Variants in DOCK5 observed in about 807,000 individuals in gnomAD.
The protein encoded by DOCK5 is dedicator of cytokinesis protein 5.
In DOCK5, 142 loss-of-function variants were observed where a neutral mutation model predicts 251.8. The observed-to-expected ratio is 0.56, with a 90% CI of 0.49 to 0.65. DOCK5 has a LOEUF of 0.65. DOCK5 is among the 30% of genes least tolerant of loss of function. DOCK5 has a pLI of 0.00. For synonymous variants in DOCK5, 842 were observed against 835.5 expected (o/e 1.01, Z -0.13); for missense variants, 2,111 against 2,312.3 (o/e 0.91, Z 1.79).
intron 47 of DOCK5, among the ~76,000 whole-genome samples, chr8:25,401,372 C>T (rs548625432): frequency 1.3e-5 from 2 of 152,088 alleles, no homozygotes. Context: ...CAAGTAGTTG[C>T]AATTCTGAGA....
At chr8:25,331,356 T>C (rs1296897952) in intron 18 of DOCK5, among the ~76,000 whole-genome samples, 1 of 152,074 alleles carries the variant, frequency 6.6e-6, no homozygotes, top group Non-Finnish European at 1.5e-5. Flanking sequence ...AATCCTCCTG[T>C]CTTGGCTTCC....
intron 51 of DOCK5, among the ~76,000 whole-genome samples, chr8:25,410,972 T>TGTGTGTGTGC (rs1331552371): frequency 3.7e-4 from 7 of 19,166 alleles, no homozygotes; most frequent in Non-Finnish European, 7.1e-4. Context: ...TGTGTGTGTG[T>TGTGTGTGTGC]GCGCGCGCGC....
rs746475530 is a variant in DOCK5 at position 25,388,013 on chromosome 8, T to C, written c.4132-1078T>C. Among the ~76,000 whole-genome samples, 143 of 152,352 alleles carry C rather than the reference T, an allele frequency of 9.4e-4. 1 individual carries two copies. Among genetic ancestry groups the C allele is most frequent in the Middle Eastern group, 3.4e-3 (1 of 294 alleles). On this transcript the variant is annotated intron_variant, in intron 40 of 51. Transcript: ENST00000276440. ...CAACAGGCTTGAGTCCCATAGACTT[T>C]TCCTAACTTGGAAAAGTTTTATCAT... is the stretch of plus-strand genomic sequence containing the variant.
intron 2 of DOCK5, among the ~76,000 whole-genome samples, chr8:25,254,502 C>T (rs918843095): frequency 6.6e-6 from 1 of 151,670 alleles, no homozygotes; most frequent in Non-Finnish European, 1.5e-5. Context: ...GAGGGTGGGC[C>T]CAGTGGCTCA....
chr8:25,276,816 A>G (rs758047352), intron 4 of DOCK5: 1 of 152,172 alleles, frequency 6.6e-6, no homozygotes, highest in East Asian at 1.9e-4. Context: ...AAGGCAGTGA[A>G]ATTGGTAACA....
At chr8:25,199,832 G>A (rs1801838261) in intron 1 of DOCK5, among the ~76,000 whole-genome samples, 1 of 113,190 alleles carries the variant, frequency 8.8e-6, no homozygotes, top group South Asian at 2.5e-4. Flanking sequence ...GGAACCAGAG[G>A]TGCTGGTGCT....
intron 3 of DOCK5, among the ~76,000 whole-genome samples, chr8:25,272,869 C>T (rs1803945501): frequency 6.6e-6 from 1 of 152,052 alleles, no homozygotes; most frequent in African/African-American, 2.4e-5. Context: ...CCTATTGTTC[C>T]CTATCCCCCG....
chr8:25,342,615 A>AAGCTGCTGCATGCTGAGATGACAGC (rs1805981574), intron 25 of DOCK5, 108 bp downstream of exon 25: 1 of 661,658 alleles, frequency 1.5e-6, no homozygotes, highest in East Asian at 3.7e-5. Context: ...AAGCTAAAAC[A>AAGCTGCTGCATGCTGAGATGACAGC]AGCTGCTGCA....
At chr8:25,235,837 G>T (rs1198136861) in intron 1 of DOCK5, among the ~76,000 whole-genome samples, 1 of 128,088 alleles carries the variant, frequency 7.8e-6, no homozygotes, top group Non-Finnish European at 1.5e-5. Context: ...TCTCACTGTC[G>T]TGCAGGCTGG....
intron 13 of DOCK5, among the ~76,000 whole-genome samples, chr8:25,313,948 GCC>G (rs1805165609): frequency 5.3e-5 from 2 of 38,026 alleles, no homozygotes; most frequent in Non-Finnish European, 7.8e-5. Flanking sequence ...GCCCAGAACA[GCC>G]CTCTTTCTGT....
intron 50 of DOCK5, chr8:25,409,656 G>A (rs1563235272): frequency 6.5e-6 from 1 of 154,402 alleles, no homozygotes; most frequent in Non-Finnish European, 1.4e-5. Flanking sequence ...AGATCATCCT[G>A]GCTACAGTGA....
Position 25,328,932 on chromosome 8 carries a change from G to C in DOCK5, c.1904-3319G>C, listed in dbSNP as rs1805623214. The stretch of plus-strand genomic sequence containing the variant: ...GATCAGAAAATTGAGTTTTAAAGTG[G>C]CAAAAAATCTTTCTTAAGCTCCTAA... On this transcript the variant is annotated intron_variant, in intron 18 of 51. Transcript: ENST00000276440. Among the ~76,000 whole-genome samples, 3 of 152,098 alleles carry C rather than the reference G, an allele frequency of 2.0e-5. No homozygotes were observed. In the South Asian group the frequency reaches 6.2e-4, roughly 32 times the overall value.
At chr8:25,279,559 TG>T (rs1804134917) in intron 5 of DOCK5, among the ~76,000 whole-genome samples, 1 of 151,994 alleles carries the variant, frequency 6.6e-6, no homozygotes, top group South Asian at 2.1e-4. Context: ...CTCCGCCTCT[TG>T]GGTTCATGCC....
intron 14 of DOCK5, 53 bp downstream of exon 14, chr8:25,317,184 A>G: frequency 6.3e-7 from 1 of 1,590,874 alleles, no homozygotes; most frequent in Non-Finnish European, 8.6e-7. Context: ...CTTTACAATC[A>G]CGATAGAATC....
intron 2 of DOCK5, among the ~76,000 whole-genome samples, chr8:25,253,862 C>T (rs994109962): frequency 2.6e-5 from 4 of 152,206 alleles, no homozygotes; most frequent in Admixed American, 2.6e-4. Flanking sequence ...AATTAAAATC[C>T]CAGACAGTTA....
chr8:25,256,786 C>T (rs781638403), intron 2 of DOCK5, among the ~76,000 whole-genome samples: 1 of 151,848 alleles, frequency 6.6e-6, no homozygotes, highest in Non-Finnish European at 1.5e-5. Context: ...TGAGTTTGGC[C>T]CCATTTGGTC....
chr8:25,203,705 C>T (rs912371632), intron 1 of DOCK5, among the ~76,000 whole-genome samples: 1 of 152,142 alleles, frequency 6.6e-6, no homozygotes, highest in Non-Finnish European at 1.5e-5. Context: ...ATTTGTGGCC[C>T]AAAAGACTCA....
chr8:25,360,977 G>A (rs994008602), intron 28 of DOCK5, among the ~76,000 whole-genome samples: 8 of 152,080 alleles, frequency 5.3e-5, no homozygotes, highest in Non-Finnish European at 1.0e-4. Flanking sequence ...CTAAGACCTG[G>A]AGAAATGAGG....
intron 28 of DOCK5, among the ~76,000 whole-genome samples, chr8:25,359,591 C>A (rs1800640532): frequency 6.6e-6 from 1 of 152,200 alleles, no homozygotes; most frequent in Non-Finnish European, 1.5e-5. Flanking sequence ...GTCAGATCAG[C>A]AGAGGCATTA....
Sources: allele counts gnomAD v4.1 joint callset (sites outside exome capture counted in the v4.1 genomes callset), GRCh38; gene constraint gnomAD v4.1.1; transcripts MANE v1.5; gene names NCBI Gene and HGNC (gene_info 2026-07-23, HGNC 2026-07-21).